Variants in RABGAP1L observed in about 807,000 individuals in gnomAD.
The protein encoded by RABGAP1L is RAB GTPase activating protein 1 like.
A neutral mutation model predicts 137.7 loss-of-function variants in RABGAP1L; 63 were observed. The ratio of observed to expected loss-of-function variants is 0.46; its 90% CI spans 0.37 to 0.56. RABGAP1L has a LOEUF of 0.56. RABGAP1L is among the 20% of genes least tolerant of loss of function. The pLI is 0.00. For missense variants in RABGAP1L, 1,095 were observed against 1,244.0 expected (o/e 0.88, Z 1.80); for synonymous variants, 431 against 433.7 (o/e 0.99, Z 0.08).
At chr1:174,691,162 G>C (rs763852692) in intron 15 of RABGAP1L, among the ~76,000 whole-genome samples, 3 of 152,152 alleles carry the variant, frequency 2.0e-5, no homozygotes, top group Non-Finnish European at 2.9e-5. Flanking sequence ...GGGAATATCA[G>C]TAGAGTGTTC....
chr1:174,506,633 G>A (rs1481722359), intron 13 of RABGAP1L, among the ~76,000 whole-genome samples: 2 of 152,110 alleles, frequency 1.3e-5, no homozygotes, highest in Non-Finnish European at 2.9e-5. Flanking sequence ...AAGTATATTA[G>A]GTAATGCGTG....
chr1:174,737,424 C>T (rs1683049528), intron 17 of RABGAP1L, among the ~76,000 whole-genome samples: 1 of 152,192 alleles, frequency 6.6e-6, no homozygotes, highest in African/African-American at 2.4e-5. Flanking sequence ...TCCTCATTTT[C>T]ATCTGAGACA....
At chr1:174,675,385 G>C (rs1677535178) in intron 14 of RABGAP1L, among the ~76,000 whole-genome samples, 1 of 152,202 alleles carries the variant, frequency 6.6e-6, no homozygotes, top group African/African-American at 2.4e-5. Flanking sequence ...ATTTGTCAAA[G>C]ATCAGATAGT....
intron 13 of RABGAP1L, among the ~76,000 whole-genome samples, chr1:174,461,401 A>T (rs1464525363): frequency 2.0e-5 from 3 of 152,164 alleles, no homozygotes; most frequent in Admixed American, 6.5e-5. Context: ...ATCAGCTTTT[A>T]CGTTAGAAAA....
At chr1:174,315,937 T>G (rs1005216459) in intron 11 of RABGAP1L, among the ~76,000 whole-genome samples, 1 of 152,190 alleles carries the variant, frequency 6.6e-6, no homozygotes, top group Admixed American at 6.5e-5. Context: ...ATTCTTTTTC[T>G]TTTTGGCTTC....
At chr1:174,311,678 C>T (rs1678866469) in intron 11 of RABGAP1L, among the ~76,000 whole-genome samples, 1 of 152,186 alleles carries the variant, frequency 6.6e-6, no homozygotes, top group African/African-American at 2.4e-5. Flanking sequence ...GCGATCTCAG[C>T]TCACTGCAAC....
intron 11 of RABGAP1L, among the ~76,000 whole-genome samples, chr1:174,355,034 C>T (rs1205069524): frequency 6.6e-6 from 1 of 152,094 alleles, no homozygotes; most frequent in African/African-American, 2.4e-5. Context: ...ACTAGTTCAA[C>T]CATTGTGGAA....
intron 19 of RABGAP1L, among the ~76,000 whole-genome samples, chr1:174,813,065 G>T (rs979985617): frequency 6.6e-6 from 1 of 152,206 alleles, no homozygotes; most frequent in Admixed American, 6.5e-5. Flanking sequence ...AGTGAAGCAG[G>T]GAGCTCTTGC....
chr1:174,286,497 C>T (rs1199963424), intron 10 of RABGAP1L, among the ~76,000 whole-genome samples: 3 of 151,522 alleles, frequency 2.0e-5, no homozygotes, highest in African/African-American at 7.3e-5. Flanking sequence ...TTTATCTTTC[C>T]AAAAAACCAG....
At chr1:174,764,558 G>A (rs1342617639) in intron 18 of RABGAP1L, among the ~76,000 whole-genome samples, 1 of 152,146 alleles carries the variant, frequency 6.6e-6, no homozygotes, top group African/African-American at 2.4e-5. Flanking sequence ...TGTGGATAAG[G>A]TTTCCTAGCC....
chr1:174,856,660 C>T (rs1173188568), intron 19 of RABGAP1L, among the ~76,000 whole-genome samples: 1 of 152,066 alleles, frequency 6.6e-6, no homozygotes, highest in Non-Finnish European at 1.5e-5. Context: ...GGTGCAGTGG[C>T]TCACACCTGT....
At chr1:174,347,471 TTG>T (rs146114359) in intron 11 of RABGAP1L, among the ~76,000 whole-genome samples, 2,473 of 42,112 alleles carry the variant, frequency 0.059, 71 homozygotes, top group African/African-American at 0.32. Flanking sequence ...TGACCCCTCT[TTG>T]TGTGTGTGTG....
chr1:174,633,401 A>G (rs1485398647), intron 13 of RABGAP1L, among the ~76,000 whole-genome samples: 1 of 150,924 alleles, frequency 6.6e-6, no homozygotes, highest in African/African-American at 2.5e-5. Flanking sequence ...AACAAATGGA[A>G]GAACATTCCA....
chr1:174,664,734 C>CT (rs71701825), intron 14 of RABGAP1L, among the ~76,000 whole-genome samples: 1,512 of 97,522 alleles, frequency 0.016, 41 homozygotes, highest in East Asian at 0.05. Flanking sequence ...TTTCTGCTTT[C>CT]TTTTTTTTTT....
chr1:174,922,570 A>T (rs1662004972), intron 19 of RABGAP1L: 1 of 152,188 alleles, frequency 6.6e-6, no homozygotes, highest in Admixed American at 6.5e-5. Flanking sequence ...AACATAACCT[A>T]TCAATGTATT....
chr1:174,603,136 G>A (rs1670538788), intron 13 of RABGAP1L, among the ~76,000 whole-genome samples: 1 of 152,144 alleles, frequency 6.6e-6, no homozygotes, highest in African/African-American at 2.4e-5. Context: ...TGTGGCCTAA[G>A]TCTTTGATCA....
chr1:174,327,996 T>TAC (rs1439350966), intron 11 of RABGAP1L, among the ~76,000 whole-genome samples: 7 of 91,560 alleles, frequency 7.6e-5, no homozygotes, highest in African/African-American at 3.8e-4. Context: ...CATATATATA[T>TAC]ATATATATAT....
chr1:174,220,925 C>A lies in RABGAP1L; in HGVS notation c.139-47C>A, dbSNP rs141096066. 2.3e-4 allele frequency: 326 copies of A among 1,420,580 alleles called. 1 individual carries two copies. In the South Asian group the frequency reaches 2.6e-3, roughly 11 times the overall value. 88.0% of individuals were successfully genotyped at this position (1,420,580 alleles called of 1,614,324 possible). ...GAAATACTTTCATAAAATTTAGCTTCAGAACTATGGTAGAATTGAAACAGA... is the reference window on the plus strand; with the variant it reads ...GAAATACTTTCATAAAATTTAGCTTAAGAACTATGGTAGAATTGAAACAGA... On this transcript the variant is annotated intron_variant, in intron 2 of 25. Transcript: ENST00000681986.
intron 14 of RABGAP1L, among the ~76,000 whole-genome samples, chr1:174,642,147 T>G (rs547181050): frequency 1.3e-5 from 2 of 152,316 alleles, no homozygotes; most frequent in South Asian, 4.1e-4. Context: ...CATTTTTTGT[T>G]TGGTGTAAAT....
Sources: allele counts gnomAD v4.1 joint callset (sites outside exome capture counted in the v4.1 genomes callset), GRCh38; gene constraint gnomAD v4.1.1; transcripts MANE v1.5; gene names NCBI Gene and HGNC (gene_info 2026-07-23, HGNC 2026-07-21).